The following COL6A3 variants were observed in gnomAD, a reference collection of about 807,000 sequenced individuals.
COL6A3 encodes collagen type VI alpha 3 chain.
COL6A3 carries 137 observed loss-of-function variants against 274.1 expected under a neutral mutation model. The ratio of observed to expected loss-of-function variants is 0.50; its 90% CI spans 0.44 to 0.58. The LOEUF (loss-of-function observed/expected upper bound fraction) is 0.58, where lower values mean the gene tolerates loss of function less well. COL6A3 is among the 20% of genes least tolerant of loss of function. The pLI is 0.00. For synonymous variants in COL6A3, 1,650 were observed against 1,650.6 expected (o/e 1.00, Z 0.01); for missense variants, 3,950 against 4,124.9 (o/e 0.96, Z 1.16).
rs2077921830 is a variant in COL6A3 at position 237,378,848 on chromosome 2, G to A, written c.2285C>T (p.Ala762Val). The change falls in exon 6 of 44, where the codon GCT (alanine) becomes GTT (valine). Residue 762 changes from alanine (A) to valine (V), a missense_variant. Ala to Val is a moderately conservative substitution (Grantham distance 64). Transcript: ENST00000295550. ...AGQSEDSYLQ[A>V]ANALTRAGIL... ...GCCCGCGCGTGTCAAGGCGTTGGCAGCTTGCAAATAGGAGTCCTCAGACTG... is the reference window on the plus strand; with the variant it reads ...GCCCGCGCGTGTCAAGGCGTTGGCAACTTGCAAATAGGAGTCCTCAGACTG... 1.2e-6 allele frequency: 2 copies of A among 1,614,256 alleles called. No homozygotes were observed. Among genetic ancestry groups the A allele is most frequent in the East Asian group, 4.5e-5 (2 of 44,886 alleles).
chr2:237,350,909 T>C (rs1217382990), intron 27 of COL6A3, among the ~76,000 whole-genome samples: 2 of 152,204 alleles, frequency 1.3e-5, no homozygotes, highest in Non-Finnish European at 2.9e-5. Flanking sequence ...GCCAGCCCTC[T>C]GAGCAGAGAT....
chr2:237,332,070 CAT>C lies in COL6A3; in HGVS notation c.9328+1378_9328+1379del, dbSNP rs58082340. Among the ~76,000 whole-genome samples the C allele has an allele frequency of 7.2e-3, 254 of 35,156 alleles. 6 individuals are homozygous for C. Among genetic ancestry groups the C allele is most frequent in the Non-Finnish European group, 9.4e-3 (135 of 14,368 alleles). The allele number at this position is 35,156 out of a possible 152,430, so 23.1% of individuals were successfully genotyped here. A position where few individuals can be genotyped will look rare whatever the true frequency, so the allele number is the denominator to read the frequency against. Reference sequence around the variant, plus strand: ...CCCCCCATCTCTCTCTCTCTCTCTACATATATATATATATATATATATATATA... The same window carrying C: ...CCCCCCATCTCTCTCTCTCTCTCTACATATATATATATATATATATATATA... On this transcript the variant is annotated intron_variant, in intron 42 of 43. Transcript: ENST00000295550.
At position 237,410,300 on chromosome 2, in the gene COL6A3, C is replaced by CTT. The variant is rs552676030; in HGVS notation, c.-31+3651_-31+3652dup. On this transcript the variant is annotated intron_variant, in intron 1 of 43. Coordinates refer to ENST00000295550, the MANE Select transcript of COL6A3 (RefSeq NM_004369.4). Reference sequence around the variant, plus strand: ...AACGTGCTAACTCAAAATTTCTTTTCTTTTTTTTTTTTTTTTTTTCTGAAA... The same window carrying CTT: ...AACGTGCTAACTCAAAATTTCTTTTCTTTTTTTTTTTTTTTTTTTTTCTGAAA... 1.4e-3 allele frequency among the ~76,000 whole-genome samples: 176 copies of CTT among 126,180 alleles called. 4 individuals are homozygous for CTT. The highest frequency in any genetic ancestry group is 8.9e-3 in the South Asian group (35 of 3,930). 82.8% of individuals were successfully genotyped at this position (126,180 alleles called of 152,430 possible).
chr2:237,337,480 C>G (rs868827521), intron 39 of COL6A3, among the ~76,000 whole-genome samples: 5 of 152,120 alleles, frequency 3.3e-5, no homozygotes, highest in South Asian at 2.1e-4. Flanking sequence ...AAAGAAAGAG[C>G]TGAAGGACTT....
chr2:237,382,244 G>T (rs1349979782), intron 4 of COL6A3, among the ~76,000 whole-genome samples: 2 of 152,074 alleles, frequency 1.3e-5, no homozygotes, highest in South Asian at 2.1e-4. Flanking sequence ...TTAGCCGAGC[G>T]TGGGGGCAGA....
At chr2:237,351,290 C>A in intron 26 of COL6A3, 98 bp from the exon 27 acceptor site, 1 of 1,166,842 alleles carries the variant, frequency 8.6e-7, no homozygotes, top group South Asian at 1.2e-5. Flanking sequence ...AGTCAGAGCC[C>A]GCCAGGGGCA....
intron 38 of COL6A3, 48 bp from the exon 39 acceptor site, chr2:237,339,165 TG>T (rs772975801): frequency 6.8e-6 from 9 of 1,331,610 alleles, no homozygotes; most frequent in Non-Finnish European, 9.7e-6. Flanking sequence ...GCTAATAACA[TG>T]AAAATTAAAA....
rs199800564 is a variant in COL6A3, at chr2:237,325,728, T to A, written c.9329-4A>T. 106 of 1,612,366 alleles carry A rather than the reference T, an allele frequency of 6.6e-5. No homozygotes were observed. In the East Asian group the frequency reaches 2.3e-3, roughly 36 times the overall value. ...TCTTTCGGCAACTTGCATATATCTT[T>A]AATAAAAACATGAGAAAAGGATATT... On this transcript the variant is annotated splice_polypyrimidine_tract_variant and splice_region_variant and intron_variant, in intron 42 of 43. Coordinates refer to ENST00000295550, the MANE Select transcript of COL6A3 (RefSeq NM_004369.4).
At chr2:237,397,475 G>A (rs2078479791) in intron 1 of COL6A3, among the ~76,000 whole-genome samples, 1 of 147,432 alleles carries the variant, frequency 6.8e-6, no homozygotes, top group Admixed American at 6.7e-5. Flanking sequence ...GAGGGAGGGA[G>A]GGAGGGAGAG....
intron 42 of COL6A3, chr2:237,326,665 T>C (rs1480224477): frequency 6.6e-6 from 1 of 152,192 alleles, no homozygotes; most frequent in East Asian, 1.9e-4. Flanking sequence ...TAATTCTGCA[T>C]GTTCCTGTGA....
chr2:237,377,371 A>T, intron 6 of COL6A3, 27 bp from the exon 7 acceptor site: 1 of 1,596,408 alleles, frequency 6.3e-7, no homozygotes, highest in Non-Finnish European at 8.5e-7. Context: ...TTAGGATACA[A>T]TGAGGGACGA....
In COL6A3 at chr2:237,366,185, C is replaced by A. The variant is rs2645770; in HGVS notation, c.5501-150G>T. On this transcript the variant is annotated intron_variant, in intron 11 of 43. Coordinates refer to ENST00000295550, the MANE Select transcript of COL6A3 (RefSeq NM_004369.4). ...TCCTGTGTGTGTGAGCTTTGAGAAG[C>A]AATTCTATCCACCCCTCTCACAGAG... 148,903 of 703,674 alleles carry A rather than the reference C, an allele frequency of 0.21. 16,694 individuals are homozygous for A. Among genetic ancestry groups the A allele is most frequent in the Admixed American group, 0.29 (12,646 of 44,234 alleles). 43.6% of individuals were successfully genotyped at this position (703,674 alleles called of 1,614,324 possible).
At chr2:237,362,309 C>T (rs2077454978) in intron 14 of COL6A3, among the ~76,000 whole-genome samples, 1 of 152,198 alleles carries the variant, frequency 6.6e-6, no homozygotes, top group South Asian at 2.1e-4. Context: ...AAGAGGCTTC[C>T]AGAGCAGCCA....
chr2:237,385,579 T>C (rs766441420), intron 4 of COL6A3, among the ~76,000 whole-genome samples: 4 of 152,166 alleles, frequency 2.6e-5, no homozygotes, highest in Non-Finnish European at 5.9e-5. Flanking sequence ...AGCTTTCCCA[T>C]CTACAGCCAT....
At chr2:237,365,203 AC>A (rs1239833959) in intron 12 of COL6A3, among the ~76,000 whole-genome samples, 2 of 150,156 alleles carry the variant, frequency 1.3e-5, no homozygotes, top group Non-Finnish European at 2.9e-5. Flanking sequence ...AGCAGAGAAG[AC>A]TCAGGAGAAA....
chr2:237,388,917 T>A (rs1470363522), intron 3 of COL6A3, among the ~76,000 whole-genome samples: 1 of 152,256 alleles, frequency 6.6e-6, no homozygotes, highest in African/African-American at 2.4e-5. Flanking sequence ...TTGGGCAGGA[T>A]GTTTTGTTCA....
At chr2:237,398,292 C>T (rs1325911197) in intron 1 of COL6A3, among the ~76,000 whole-genome samples, 1 of 152,186 alleles carries the variant, frequency 6.6e-6, no homozygotes, top group East Asian at 1.9e-4. Flanking sequence ...TCTCCCATAC[C>T]CACGCGCCTC....
Position 237,387,661 on chromosome 2 carries a change from G to T in COL6A3, c.1233C>A (p.Leu411=). The stretch of plus-strand genomic sequence containing the variant: ...CAATGTACGGCAGTAATTTCTCCTG[G>T]AGGTCCCCAAAGCTACGGAATTCCG... ...TVPEFRSFGD[L]QEKLLPYIVG... Residue 411 remains leucine, a synonymous_variant, in exon 4 of 44, where the codon CTC becomes CTA. Transcript: ENST00000295550. The T allele has an allele frequency of 6.2e-7, 1 of 1,613,780 alleles. No individual in the cohort carries two copies. The highest frequency in any genetic ancestry group is 8.5e-7 in the Non-Finnish European group (1 of 1,179,860).
chr2:237,404,544 A>T (rs2078675401), intron 1 of COL6A3, among the ~76,000 whole-genome samples: 1 of 152,190 alleles, frequency 6.6e-6, no homozygotes, highest in South Asian at 2.1e-4. Flanking sequence ...CAGGTGGAAA[A>T]AATAGGACAT....
Sources: allele counts gnomAD v4.1 joint callset (sites outside exome capture counted in the v4.1 genomes callset), GRCh38; gene constraint gnomAD v4.1.1; transcripts MANE v1.5; gene names NCBI Gene and HGNC (gene_info 2026-07-23, HGNC 2026-07-21).